Variants in CTTN observed in about 807,000 individuals in gnomAD.
The protein encoded by CTTN is src substrate cortactin.
CTTN carries 28 observed loss-of-function variants against 84.0 expected under a neutral mutation model. The ratio of observed to expected loss-of-function variants is 0.33; its 90% confidence interval spans 0.25 to 0.46. The LOEUF (loss-of-function observed/expected upper bound fraction) is 0.46, where lower values mean the gene tolerates loss of function less well. Ranked by LOEUF, CTTN falls within the 20% of genes least tolerant of loss-of-function variation. CTTN has a pLI of 1.00. For synonymous variants in CTTN, 301 were observed against 288.8 expected (o/e 1.04, Z -0.43); for missense variants, 641 against 723.8 (o/e 0.89, Z 1.31).
chr11:70,413,032 C>G (rs897577765), intron 5 of CTTN, among the ~76,000 whole-genome samples: 2 of 152,192 alleles, frequency 1.3e-5, no homozygotes, highest in Non-Finnish European at 2.9e-5. Flanking sequence ...GATGGGCAGT[C>G]TCTGCCACAG....
intron 14 of CTTN, among the ~76,000 whole-genome samples, chr11:70,430,843 G>A (rs956246882): frequency 2.0e-5 from 3 of 152,170 alleles, no homozygotes; most frequent in Non-Finnish European, 4.4e-5. Flanking sequence ...CGGCACTGTC[G>A]CGTCACTGGC....
rs2058247927 is a variant in CTTN, at chr11:70,422,409, T to C, written c.902-531T>C. The C allele has an allele frequency of 3.1e-6, 3 of 963,150 alleles. No homozygotes were observed. The South Asian group carries it at 4.1e-5, about 13-fold the overall frequency. 59.7% of individuals were successfully genotyped at this position (963,150 alleles called of 1,614,324 possible). A position where few individuals can be genotyped will look rare whatever the true frequency, so the allele number is the denominator to read the frequency against. ...TGGCAGTGGCTCTCCGTGGCATCAC[T>C]GCTGCATGACAGTGTGACTTTCATG... is the stretch of plus-strand genomic sequence containing the variant. On this transcript the variant is annotated intron_variant, in intron 11 of 17. Transcript: ENST00000301843.
At chr11:70,423,070 C>T in intron 12 of CTTN, 75 bp downstream of exon 12, 4 of 1,558,248 alleles carry the variant, frequency 2.6e-6, no homozygotes, top group Non-Finnish European at 3.5e-6. Flanking sequence ...ACCGTGCTGG[C>T]CAACATCCAC....
intron 6 of CTTN, among the ~76,000 whole-genome samples, 188 bp downstream of exon 6, chr11:70,414,840 G>A (rs1302950968): frequency 6.6e-6 from 1 of 152,148 alleles, no homozygotes; most frequent in Non-Finnish European, 1.5e-5. Context: ...AGCAGGATGC[G>A]GCGGGCTTGC....
chr11:70,425,005 G>A (rs1425837091), intron 12 of CTTN, among the ~76,000 whole-genome samples: 2 of 152,160 alleles, frequency 1.3e-5, no homozygotes, highest in Non-Finnish European at 1.5e-5. Context: ...CAGCGTCTTC[G>A]CTTCCTGTAA....
rs2058379594 is a variant in CTTN at position 70,433,568 on chromosome 11, A to G, written c.1445-79A>G. 9.9e-6 allele frequency: 11 copies of G among 1,108,474 alleles called. No homozygotes were observed. The East Asian group carries it at 2.6e-4, about 26-fold the overall frequency. 68.7% of individuals were successfully genotyped at this position (1,108,474 alleles called of 1,614,324 possible). A position where few individuals can be genotyped will look rare whatever the true frequency, so the allele number is the denominator to read the frequency against. ...GTGTCCTTGAGACAAAATCTTAGGA[A>G]GTGTCGTCTAAAACTTGAGAAGGCT... On this transcript the variant is annotated intron_variant, in intron 16 of 17. Transcript: ENST00000301843.
chr11:70,422,686 C>T, intron 11 of CTTN: 2 of 1,425,992 alleles, frequency 1.4e-6, no homozygotes, highest in South Asian at 2.5e-5. Context: ...CGCCGCCCCT[C>T]CTGCCCCTCC....
chr11:70,428,995 C>T, intron 13 of CTTN, 56 bp from the exon 14 acceptor site: 2 of 1,601,974 alleles, frequency 1.2e-6, no homozygotes, highest in Non-Finnish European at 1.7e-6. Flanking sequence ...GGCTGTTGTC[C>T]AGGAGCAGTG....
chr11:70,418,032 T>C (rs1436452547), intron 8 of CTTN, among the ~76,000 whole-genome samples: 1 of 152,168 alleles, frequency 6.6e-6, no homozygotes, highest in Non-Finnish European at 1.5e-5. Flanking sequence ...CCTGCCTGTT[T>C]CCCTGTGCCT....
rs1353206316 is a variant in CTTN, at chr11:70,422,586, C to T, written c.902-354C>T. ...CACAGGAAGCAGATGAGAATAAGCCCGTGCTGGTGCGGAAGACTGTGCTAT... is the reference window on the plus strand; with the variant it reads ...CACAGGAAGCAGATGAGAATAAGCCTGTGCTGGTGCGGAAGACTGTGCTAT... On this transcript the variant is annotated intron_variant, in intron 11 of 17. Coordinates refer to ENST00000301843, the MANE Select transcript of CTTN (RefSeq NM_005231.4). 32 of 1,313,164 alleles carry T rather than the reference C, an allele frequency of 2.4e-5. No homozygotes were observed. The Admixed American group carries it at 3.4e-4, about 14-fold the overall frequency. 81.3% of individuals were successfully genotyped at this position (1,313,164 alleles called of 1,614,324 possible). A position where few individuals can be genotyped will look rare whatever the true frequency, so the allele number is the denominator to read the frequency against.
chr11:70,405,911 G>C (rs1181835882), intron 2 of CTTN, among the ~76,000 whole-genome samples: 2 of 152,240 alleles, frequency 1.3e-5, no homozygotes, highest in East Asian at 3.9e-4. Context: ...CAGGCGGGCA[G>C]CCCCCTCGCC....
At chr11:70,401,563 G>C (rs183647398) in intron 1 of CTTN, among the ~76,000 whole-genome samples, 1 of 152,008 alleles carries the variant, frequency 6.6e-6, no homozygotes, top group Admixed American at 6.6e-5. Context: ...CAGGAGAATC[G>C]CTTGAACCCA....
intron 5 of CTTN, among the ~76,000 whole-genome samples, chr11:70,411,393 C>T (rs1419062398): frequency 3.9e-5 from 5 of 126,764 alleles, no homozygotes; most frequent in African/African-American, 7.4e-5. Context: ...CGTGTGCACA[C>T]GGACAGACGG....
intron 5 of CTTN, among the ~76,000 whole-genome samples, chr11:70,413,652 T>C (rs994701391): frequency 5.9e-5 from 9 of 152,126 alleles, no homozygotes; most frequent in Non-Finnish European, 1.5e-5. Context: ...TCCCCAAACC[T>C]GTGTGCGCTG....
chr11:70,420,909 C>T (rs1347755003), intron 10 of CTTN, among the ~76,000 whole-genome samples: 1 of 152,228 alleles, frequency 6.6e-6, no homozygotes, highest in Non-Finnish European at 1.5e-5. Context: ...GCCAAGCCTG[C>T]AGTGCTCCTC....
chr11:70,425,457 G>C, intron 13 of CTTN, 56 bp downstream of exon 13: 1 of 1,373,968 alleles, frequency 7.3e-7, no homozygotes, highest in Non-Finnish European at 1.0e-6. Flanking sequence ...AACACTGAGG[G>C]GAAGGACAGT....
At chr11:70,434,752 T>C (rs1249576792) in intron 17 of CTTN, among the ~76,000 whole-genome samples, 1 of 152,154 alleles carries the variant, frequency 6.6e-6, no homozygotes, top group Non-Finnish European at 1.5e-5. Context: ...GGGCTGGAGT[T>C]ATGTGGTGGA....
At position 70,435,161 on chromosome 11, in the gene CTTN, A is replaced by G; in HGVS notation, c.1652A>G (p.Ter551TrpextTer76). The G allele has an allele frequency of 6.3e-7, 1 of 1,575,668 alleles. No individual in the cohort carries two copies. Among genetic ancestry groups the G allele is most frequent in the Non-Finnish European group, 8.6e-7 (1 of 1,158,086 alleles). ...FPANYVELRQ* is the reference protein window; with the variant it reads ...FPANYVELRQW ...GCCAACTATGTGGAGCTGCGGCAGT[A>G]GGGCCCCCAGCCCCCCCCCGGAGCT... is the stretch of plus-strand genomic sequence containing the variant. Residue 551 changes from the stop codon to tryptophan, a stop_lost, in exon 18 of 18, where the codon TAG (stop) becomes TGG (tryptophan). Transcript: ENST00000301843.
Position 70,435,018 on chromosome 11 carries a change from T to TTCC in CTTN, c.1517-7_1517-5dup. 6.2e-7 allele frequency: 1 copy of TTCC among 1,613,804 alleles called. No homozygotes were observed. The highest frequency in any genetic ancestry group is 8.5e-7 in the Non-Finnish European group (1 of 1,179,910). ...CTTCAGCATCTTTCTCTGTGTTCTC[T>TTCC]TCCCCAGCGGGCGATGATGAGATCT... is the stretch of plus-strand genomic sequence containing the variant. On this transcript the variant is annotated splice_region_variant and splice_polypyrimidine_tract_variant and intron_variant, in intron 17 of 17. Coordinates refer to ENST00000301843, the MANE Select transcript of CTTN (RefSeq NM_005231.4).
Sources: gnomAD v4.1 joint callset for allele counts (sites outside exome capture counted in the v4.1 genomes callset) on GRCh38, gnomAD v4.1.1 for gene constraint, MANE v1.5 for transcripts, NCBI Gene and HGNC (gene_info 2026-07-23, HGNC 2026-07-21) for gene names.